The following CACNA2D3 variants were observed in gnomAD, a reference collection of about 807,000 sequenced individuals.
CACNA2D3 encodes voltage-dependent calcium channel subunit alpha-2/delta-3.
In CACNA2D3, 60 loss-of-function variants were observed where a neutral mutation model predicts 160.6. The ratio of observed to expected loss-of-function variants is 0.37; its 90% CI spans 0.30 to 0.46. The LOEUF is 0.46. Among genes scored for constraint, CACNA2D3 ranks in the 20% least tolerant of loss-of-function variants. CACNA2D3 has a pLI of 1.00. For missense variants in CACNA2D3, 1,205 were observed against 1,365.0 expected (o/e 0.88, Z 1.85); for synonymous variants, 558 against 492.9 (o/e 1.13, Z -1.75).
rs188287652 is a variant in CACNA2D3 at position 54,666,889 on chromosome 3, G to A, written c.1167+24648G>A. Among the ~76,000 whole-genome samples the A allele has an allele frequency of 2.0e-3, 300 of 152,256 alleles. 2 individuals carry two copies. Among genetic ancestry groups the A allele is most frequent in the African/African-American group, 6.4e-3 (268 of 41,554 alleles). On this transcript the variant is annotated intron_variant, in intron 11 of 37. Coordinates refer to ENST00000474759, the MANE Select transcript of CACNA2D3 (RefSeq NM_018398.3). ...GCTATCAAATTCCTCTGTCTGGCTCGTCACCTGGGGCAGCAGAATCCTTTC... is the reference window on the plus strand; with the variant it reads ...GCTATCAAATTCCTCTGTCTGGCTCATCACCTGGGGCAGCAGAATCCTTTC...
intron 11 of CACNA2D3, among the ~76,000 whole-genome samples, chr3:54,672,181 A>C (rs930980973): frequency 2.0e-5 from 3 of 152,216 alleles, no homozygotes; most frequent in African/African-American, 7.2e-5. Context: ...TCCATTTGCA[A>C]CTGGTTGAGC....
chr3:54,799,335 G>A (rs1702934031), intron 13 of CACNA2D3, among the ~76,000 whole-genome samples: 1 of 152,132 alleles, frequency 6.6e-6, no homozygotes, highest in African/African-American at 2.4e-5. Context: ...TGCCACCTCT[G>A]ATATTTTTTG....
At chr3:54,884,132 A>G (rs1257749164) in intron 21 of CACNA2D3, among the ~76,000 whole-genome samples, 1 of 152,168 alleles carries the variant, frequency 6.6e-6, no homozygotes, top group Admixed American at 6.5e-5. Flanking sequence ...TTGGTTGGGA[A>G]GAAGGAAAGG....
chr3:54,880,918 C>G, intron 21 of CACNA2D3, 55 bp downstream of exon 21: 1 of 1,474,614 alleles, frequency 6.8e-7, no homozygotes, highest in Non-Finnish European at 9.5e-7. Flanking sequence ...AGCTCGGGAG[C>G]TAGCTACTGA....
At chr3:54,535,091 T>A (rs1317386073) in intron 5 of CACNA2D3, among the ~76,000 whole-genome samples, 2 of 152,198 alleles carry the variant, frequency 1.3e-5, no homozygotes, top group African/African-American at 4.8e-5. Flanking sequence ...GGGGAAGGGC[T>A]TTGGTTCATT....
Position 54,891,335 on chromosome 3 carries a change from C to A in CACNA2D3, c.2151-20C>A. The A allele has an allele frequency of 6.3e-7, 1 of 1,583,388 alleles. No individual in the cohort carries two copies. The highest frequency in any genetic ancestry group is 8.7e-7 in the Non-Finnish European group (1 of 1,152,276). ...TTACTGTCTAGAGGCCTCCCCCTGA[C>A]GTCTGTTGTTCTGTTTCAGAAATTC... On this transcript the variant is annotated intron_variant, in intron 24 of 37. Coordinates refer to ENST00000474759, the MANE Select transcript of CACNA2D3 (RefSeq NM_018398.3).
intron 27 of CACNA2D3, among the ~76,000 whole-genome samples, chr3:54,947,092 A>G (rs889875763): frequency 1.3e-5 from 2 of 152,204 alleles, no homozygotes; most frequent in Non-Finnish European, 2.9e-5. Flanking sequence ...CTATAATACC[A>G]AAACTAACAA....
chr3:54,512,164 C>T (rs980703947), intron 5 of CACNA2D3, among the ~76,000 whole-genome samples: 3 of 152,108 alleles, frequency 2.0e-5, no homozygotes, highest in Non-Finnish European at 2.9e-5. Context: ...TCCCAGGCCT[C>T]CTCAGGAATG....
intron 2 of CACNA2D3, among the ~76,000 whole-genome samples, chr3:54,131,321 A>G (rs993152779): frequency 6.6e-6 from 1 of 152,192 alleles, no homozygotes; most frequent in Non-Finnish European, 1.5e-5. Flanking sequence ...CTTCCCCTAG[A>G]GATCAGCTCC....
At chr3:54,474,566 A>G (rs1396738318) in intron 4 of CACNA2D3, among the ~76,000 whole-genome samples, 2 of 152,128 alleles carry the variant, frequency 1.3e-5, no homozygotes, top group African/African-American at 2.4e-5. Flanking sequence ...TAAAAAGCAT[A>G]TAGTAGACCA....
At chr3:54,648,679 G>A (rs375419898) in intron 11 of CACNA2D3, among the ~76,000 whole-genome samples, 1 of 152,240 alleles carries the variant, frequency 6.6e-6, no homozygotes, top group Admixed American at 6.5e-5. Flanking sequence ...ATAAAGAAAA[G>A]AGGTGTATAT....
chr3:54,386,269 T>G (rs1319171351), intron 3 of CACNA2D3, among the ~76,000 whole-genome samples: 6 of 152,182 alleles, frequency 3.9e-5, no homozygotes, highest in Non-Finnish European at 4.4e-5. Flanking sequence ...CCTTGAATGA[T>G]TGAGGGAATT....
chr3:54,770,940 C>G (rs1372330115), intron 13 of CACNA2D3, among the ~76,000 whole-genome samples: 2 of 152,090 alleles, frequency 1.3e-5, no homozygotes, highest in Admixed American at 6.6e-5. Flanking sequence ...GGCAAAGCAA[C>G]CATAAAAAAC....
At chr3:54,830,859 A>G (rs1489132467) in intron 14 of CACNA2D3, among the ~76,000 whole-genome samples, 3 of 152,064 alleles carry the variant, frequency 2.0e-5, no homozygotes, top group Non-Finnish European at 4.4e-5. Context: ...AATTTACCCT[A>G]ATGGCCACTA....
intron 3 of CACNA2D3, among the ~76,000 whole-genome samples, chr3:54,384,580 G>A (rs922874722): frequency 6.6e-5 from 10 of 152,152 alleles, no homozygotes; most frequent in Non-Finnish European, 1.5e-4. Context: ...CCCAATGAAC[G>A]CTTGGGGCCC....
chr3:55,055,579 C>T (rs358059), intron 35 of CACNA2D3, among the ~76,000 whole-genome samples: 9,896 of 151,926 alleles, frequency 0.065, 1,076 homozygotes, highest in African/African-American at 0.23. Flanking sequence ...TCTATTTCTA[C>T]GGAAAATGAA....
intron 5 of CACNA2D3, among the ~76,000 whole-genome samples, chr3:54,525,558 C>T (rs1235429137): frequency 1.3e-5 from 2 of 152,070 alleles, no homozygotes; most frequent in Non-Finnish European, 2.9e-5. Context: ...TATCTTTATT[C>T]TATATTCATT....
At chr3:54,979,187 G>T (rs1036643355) in intron 29 of CACNA2D3, among the ~76,000 whole-genome samples, 2 of 152,110 alleles carry the variant, frequency 1.3e-5, no homozygotes, top group African/African-American at 4.8e-5. Flanking sequence ...GGGCCTTTCA[G>T]AAGGTGACAT....
rs183476290 is a variant in CACNA2D3, at chr3:54,434,732, A to G, written c.381+47958A>G. ...GGGTCTCCATCTGGAGACCATTCTCAGAGTTGAGGGGATTCTTCCCCCTTT... is the reference window on the plus strand; with the variant it reads ...GGGTCTCCATCTGGAGACCATTCTCGGAGTTGAGGGGATTCTTCCCCCTTT... On this transcript the variant is annotated intron_variant, in intron 4 of 37. Transcript: ENST00000474759. Among the ~76,000 whole-genome samples the G allele has an allele frequency of 3.3e-5, 5 of 152,334 alleles. No individual in the cohort carries two copies. In the East Asian group the frequency reaches 9.7e-4, roughly 29 times the overall value.
Sources: allele counts gnomAD v4.1 joint callset (sites outside exome capture counted in the v4.1 genomes callset), GRCh38; gene constraint gnomAD v4.1.1; transcripts MANE v1.5; gene names NCBI Gene and HGNC (gene_info 2026-07-23, HGNC 2026-07-21).